The following OSBPL8 variants were observed in gnomAD, a reference collection of about 807,000 sequenced individuals.
OSBPL8 encodes the protein oxysterol binding protein like 8, also known as oxysterol-binding protein-related protein 8.
A neutral mutation model predicts 125.5 loss-of-function variants in OSBPL8; 59 were observed. That is an observed-to-expected ratio of 0.47 (90% CI 0.38 to 0.58). The LOEUF is 0.58. OSBPL8 is among the 20% of genes least tolerant of loss of function. The probability of loss-of-function intolerance (pLI) is 0.00; values close to 1 mark genes in which losing one functional copy is unlikely to be tolerated. For synonymous variants in OSBPL8, 330 were observed against 338.9 expected, an observed-to-expected ratio of 0.97 and a Z score of 0.29; for missense variants, 758 against 1,047.8, an observed-to-expected ratio of 0.72 and a Z score of 3.82.
intron 2 of OSBPL8, among the ~76,000 whole-genome samples, chr12:76,474,783 C>T (rs779318122): frequency 3.3e-5 from 5 of 152,110 alleles, no homozygotes; most frequent in Non-Finnish European, 5.9e-5. Context: ...GCACCCAGCC[C>T]GAAATTAAAT....
At chr12:76,423,486 C>T (rs939844192) in intron 4 of OSBPL8, among the ~76,000 whole-genome samples, 2 of 152,116 alleles carry the variant, frequency 1.3e-5, no homozygotes, top group Admixed American at 6.6e-5. Context: ...TACATCTAAA[C>T]TGTTCAGTCT....
intron 2 of OSBPL8, among the ~76,000 whole-genome samples, chr12:76,463,320 C>G (rs1287869839): frequency 6.6e-6 from 1 of 152,022 alleles, no homozygotes; most frequent in Non-Finnish European, 1.5e-5. Context: ...GTTTGAGCAC[C>G]TGGAAGGATG....
chr12:76,543,943 A>G (rs1950713553), intron 1 of OSBPL8, among the ~76,000 whole-genome samples: 1 of 152,212 alleles, frequency 6.6e-6, no homozygotes, highest in Non-Finnish European at 1.5e-5. Context: ...TGTTCTATAG[A>G]TTTTGATCTT....
intron 1 of OSBPL8, among the ~76,000 whole-genome samples, chr12:76,540,502 G>GTC (rs1354690671): frequency 3.3e-5 from 5 of 151,422 alleles, no homozygotes; most frequent in Admixed American, 2.6e-4. Flanking sequence ...GTGTGTGTGT[G>GTC]TGTGTGTGTG....
chr12:76,544,090 A>T (rs1013142517), intron 1 of OSBPL8, among the ~76,000 whole-genome samples: 7 of 152,206 alleles, frequency 4.6e-5, no homozygotes, highest in Non-Finnish European at 1.0e-4. Context: ...GAATTAACAT[A>T]CAAATAAAGG....
At chr12:76,451,554 T>TA (rs1301081371) in intron 3 of OSBPL8, among the ~76,000 whole-genome samples, 2 of 152,180 alleles carry the variant, frequency 1.3e-5, no homozygotes, top group African/African-American at 2.4e-5. Context: ...GGCTAAACAG[T>TA]AATAGAGGCA....
intron 4 of OSBPL8, among the ~76,000 whole-genome samples, chr12:76,419,052 A>G (rs563070162): frequency 2.6e-5 from 4 of 152,246 alleles, no homozygotes; most frequent in Non-Finnish European, 4.4e-5. Flanking sequence ...CCTGGCTAAC[A>G]TGGTGAAACC....
At chr12:76,508,319 A>G (rs895115280) in intron 1 of OSBPL8, among the ~76,000 whole-genome samples, 23 of 152,254 alleles carry the variant, frequency 1.5e-4, no homozygotes, top group African/African-American at 5.5e-4. Flanking sequence ...TCTACACTAT[A>G]GTAGTCATCA....
At position 76,389,661 on chromosome 12, in the gene OSBPL8, C is replaced by A. The variant is rs777454328; in HGVS notation, c.1336G>T (p.Ala446Ser). The A allele has an allele frequency of 6.3e-7, 1 of 1,577,862 alleles. No individual in the cohort carries two copies. The highest frequency in any genetic ancestry group is 2.3e-5 in the East Asian group (1 of 44,140). Residue 446 changes from alanine (A) to serine (S), a missense_variant, in exon 12 of 24, where the codon GCA (alanine) becomes TCA (serine). Coordinates refer to ENST00000261183, the MANE Select transcript of OSBPL8 (RefSeq NM_020841.5). ...LDKLSDYYYHADFLSEAALEE... is the reference protein window; with the variant it reads ...LDKLSDYYYHSDFLSEAALEE... ...TCTACTTACTCAGATAGGAAATCTGCATGATAGTAGTAATCTGAAAGTTTA... is the reference window on the plus strand; with the variant it reads ...TCTACTTACTCAGATAGGAAATCTGAATGATAGTAGTAATCTGAAAGTTTA...
chr12:76,373,989 T>C (rs1289980942), intron 17 of OSBPL8, among the ~76,000 whole-genome samples: 3 of 152,134 alleles, frequency 2.0e-5, no homozygotes, highest in Non-Finnish European at 2.9e-5. Context: ...CTTAAAGGCA[T>C]CATATATACT....
intron 1 of OSBPL8, among the ~76,000 whole-genome samples, chr12:76,496,009 T>C (rs930271114): frequency 6.9e-6 from 1 of 145,288 alleles, no homozygotes; most frequent in Non-Finnish European, 1.6e-5. Flanking sequence ...TTATCAACTT[T>C]ATTTCCCAGA....
intron 3 of OSBPL8, among the ~76,000 whole-genome samples, chr12:76,454,881 A>C (rs1873838043): frequency 6.6e-6 from 1 of 152,074 alleles, no homozygotes; most frequent in Non-Finnish European, 1.5e-5. Context: ...AAAAGCAAAG[A>C]ATAATAAAAA....
chr12:76,369,675 A>C lies in OSBPL8; in HGVS notation c.2202T>G (p.Leu734=), dbSNP rs1173299071. The change falls in exon 20 of 24, where the codon CTT becomes CTG. Residue 734 remains leucine (L), a synonymous_variant. Coordinates refer to ENST00000261183, the MANE Select transcript of OSBPL8 (RefSeq NM_020841.5). ...AATGCCATTCTCCTGTGAGTGGATC[A>C]AGTTCAAATAATTTGCAAGACCACT... ...NEEWSCKLFE[L]DPLTGEWHYK... 2 of 1,613,686 alleles carry C rather than the reference A, an allele frequency of 1.2e-6. No individual in the cohort carries two copies. The highest frequency in any genetic ancestry group is 2.2e-5 in the South Asian group (2 of 91,064).
At chr12:76,427,242 G>C (rs562913347) in intron 4 of OSBPL8, among the ~76,000 whole-genome samples, 20 of 152,142 alleles carry the variant, frequency 1.3e-4, no homozygotes, top group African/African-American at 4.8e-4. Context: ...TTATATGATA[G>C]AATATTTCTG....
chr12:76,363,087 G>C (rs563350384), intron 21 of OSBPL8, among the ~76,000 whole-genome samples: 1 of 152,144 alleles, frequency 6.6e-6, no homozygotes. Flanking sequence ...AATCAATATC[G>C]TGAAAATGGC....
At chr12:76,453,818 T>C (rs1331836208) in intron 3 of OSBPL8, among the ~76,000 whole-genome samples, 1 of 152,058 alleles carries the variant, frequency 6.6e-6, no homozygotes, top group Admixed American at 6.6e-5. Context: ...GGTTGGTACC[T>C]AGAATGTTCT....
In OSBPL8 at chr12:76,529,912, T is replaced by A. The variant is rs188354294; in HGVS notation, c.-68+29485A>T. On this transcript the variant is annotated intron_variant, in intron 1 of 23. Transcript: ENST00000261183. ...CACATAAACCCTATAAAGCAAGTAATTTTTCACTATAGCCCCATTTTCAAA... is the reference window on the plus strand; with the variant it reads ...CACATAAACCCTATAAAGCAAGTAAATTTTCACTATAGCCCCATTTTCAAA... Among the ~76,000 whole-genome samples, 9 of 152,322 alleles carry A rather than the reference T, an allele frequency of 5.9e-5. No homozygotes were observed. The East Asian group carries it at 1.5e-3, about 26-fold the overall frequency.
chr12:76,496,076 C>T (rs1879233545), intron 1 of OSBPL8, among the ~76,000 whole-genome samples: 1 of 152,184 alleles, frequency 6.6e-6, no homozygotes, highest in East Asian at 1.9e-4. Flanking sequence ...TATTCCTTAG[C>T]CCATCCACTG....
chr12:76,462,945 AGG>A (rs1251982932), intron 2 of OSBPL8, among the ~76,000 whole-genome samples: 5 of 152,206 alleles, frequency 3.3e-5, no homozygotes, highest in Admixed American at 6.5e-5. Flanking sequence ...ATGAGGTCAG[AGG>A]GGTAAACAGA....
Sources: allele counts gnomAD v4.1 joint callset (sites outside exome capture counted in the v4.1 genomes callset), GRCh38; gene constraint gnomAD v4.1.1; transcripts MANE v1.5; gene names NCBI Gene and HGNC (gene_info 2026-07-23, HGNC 2026-07-21).